Variants in JAKMIP3 observed in about 807,000 individuals in gnomAD.
JAKMIP3 encodes the protein Janus kinase and microtubule interacting protein 3, also known as janus kinase and microtubule-interacting protein 3.
Under a neutral mutation model 118.5 loss-of-function variants are expected in JAKMIP3, and 58 were observed. The ratio of observed to expected loss-of-function variants is 0.49; its 90% CI spans 0.40 to 0.61. The LOEUF (loss-of-function observed/expected upper bound fraction) is 0.61. JAKMIP3 is among the 20% of genes least tolerant of loss of function. The pLI, the probability that JAKMIP3 is intolerant of heterozygous loss-of-function variation, is 0.00. For synonymous variants in JAKMIP3, 486 were observed against 451.2 expected (o/e 1.08, Z -0.98); for missense variants, 950 against 1,109.0 (o/e 0.86, Z 2.04).
At chr10:132,138,539 GA>G (rs1483171381) in intron 9 of JAKMIP3, among the ~76,000 whole-genome samples, 3 of 152,218 alleles carry the variant, frequency 2.0e-5, no homozygotes, top group Non-Finnish European at 2.9e-5. Context: ...CTTTGGAGAT[GA>G]AAAAACAATT....
chr10:132,146,761 G>C (rs2054700033), intron 13 of JAKMIP3, among the ~76,000 whole-genome samples: 3 of 152,190 alleles, frequency 2.0e-5, no homozygotes, highest in Admixed American at 2.0e-4. Context: ...CTTTAGGCTT[G>C]GTTTGCATCT....
intron 23 of JAKMIP3, among the ~76,000 whole-genome samples, chr10:132,180,554 CATGCGTGT>C (rs1362040504): frequency 0.015 from 64 of 4,330 alleles, 11 homozygotes; most frequent in East Asian, 0.059. Flanking sequence ...TGCGTGCGTG[CATGCGTGT>C]GTGTGCGTGT....
intron 3 of JAKMIP3, among the ~76,000 whole-genome samples, chr10:132,127,705 TCTA>T (rs1225903656): frequency 6.6e-6 from 1 of 152,164 alleles, no homozygotes; most frequent in Non-Finnish European, 1.5e-5. Context: ...CTTGCCTCTC[TCTA>T]CTCCTTGCCT....
rs531685738 is a variant in JAKMIP3 at position 132,150,026 on chromosome 10, C to A, written c.1992C>A (p.Gly664=). ...TGATGAAGAAGCTGGACATCCTGGG[C>A]GATAACGCCGTAAGTGTATGTCGCT... The part of the protein sequence containing the change: ...AELMKKLDIL[G]DNAVSNLTNE... The change falls in exon 16 of 24, where the codon GGC becomes GGA. Residue 664 remains glycine (G), a synonymous_variant. Transcript: ENST00000684848. 6.3e-7 allele frequency: 1 copy of A among 1,593,406 alleles called. No homozygotes were observed. The highest frequency in any genetic ancestry group is 8.5e-7 in the Non-Finnish European group (1 of 1,172,606).
chr10:132,160,001 G>C (rs1369147043), intron 19 of JAKMIP3, among the ~76,000 whole-genome samples: 1 of 34,478 alleles, frequency 2.9e-5, no homozygotes, highest in African/African-American at 1.2e-4. Context: ...TGTCTTACTG[G>C]GGGGGGCCTC....
intron 9 of JAKMIP3, among the ~76,000 whole-genome samples, chr10:132,139,500 GTGTA>G (rs1329975210): frequency 7.6e-6 from 1 of 131,102 alleles, no homozygotes; most frequent in Non-Finnish European, 1.8e-5. Context: ...GTATGTGAGT[GTGTA>G]TGTGTGAGTG....
At position 132,139,266 on chromosome 10, in the gene JAKMIP3, GTGTGTACA is replaced by G. The variant is rs1277069349; in HGVS notation, c.1344+1093_1344+1100del. ...TGTGTGTGTATGTGTGTGTGTGTATGTGTGTACATGTGAGTGTATATGCATCTGTGTAT... is the reference window on the plus strand; with the variant it reads ...TGTGTGTGTATGTGTGTGTGTGTATGTGTGAGTGTATATGCATCTGTGTAT... On this transcript the variant is annotated intron_variant, in intron 9 of 23. Transcript: ENST00000684848. Among the ~76,000 whole-genome samples, 211 of 151,740 alleles carry G rather than the reference GTGTGTACA, an allele frequency of 1.4e-3. 5 individuals carry two copies. The highest frequency in any genetic ancestry group is 2.4e-3 in the Non-Finnish European group (164 of 67,942).
chr10:132,063,661 A>G (rs2038486865), upstream of JAKMIP3, among the ~76,000 whole-genome samples: 1 of 152,168 alleles, frequency 6.6e-6, no homozygotes, highest in African/African-American at 2.4e-5. Context: ...TCCGGGAGAG[A>G]ACGGACCGTC....
At chr10:132,043,771 G>C (rs2037829102) in intron 1 of JAKMIP3, among the ~76,000 whole-genome samples, 2 of 152,190 alleles carry the variant, frequency 1.3e-5, no homozygotes, top group African/African-American at 2.4e-5. Flanking sequence ...TGGACCATGT[G>C]GGGAGGAAGA....
intron 1 of JAKMIP3, among the ~76,000 whole-genome samples, chr10:132,071,374 C>T (rs538285102): frequency 2.2e-4 from 33 of 152,306 alleles, no homozygotes; most frequent in African/African-American, 7.9e-4. Context: ...CAAAATACTA[C>T]ATATTCTGCT....
At position 132,044,352 on chromosome 10, in the gene JAKMIP3, C is replaced by T. The variant is rs544892323; in HGVS notation, c.-138+7614C>T. Among the ~76,000 whole-genome samples the T allele has an allele frequency of 6.6e-6, 1 of 152,346 alleles. No homozygotes were observed. The highest frequency in any genetic ancestry group is 1.9e-4 in the East Asian group (1 of 5,188). Reference sequence around the variant, plus strand: ...CCAGTGGCTGAGACAGACACAACTTCAGCCGTCGTGCAAACAGGTCATCTT... The same window carrying T: ...CCAGTGGCTGAGACAGACACAACTTTAGCCGTCGTGCAAACAGGTCATCTT... On this transcript the variant is annotated intron_variant, in intron 1 of 23. Transcript: ENST00000657785. The surrounding 1 kb of genome is among the most constrained non-coding windows in gnomAD (Gnocchi z 5.3).
intron 1 of JAKMIP3, among the ~76,000 whole-genome samples, chr10:132,040,204 G>T (rs900463493): frequency 6.6e-6 from 1 of 152,192 alleles, no homozygotes; most frequent in African/African-American, 2.4e-5. Context: ...TACAAGAAGG[G>T]ACATGGGATC....
At chr10:132,097,928 C>CCTTCCCTT (rs2044182695) in intron 1 of JAKMIP3, among the ~76,000 whole-genome samples, 1 of 20,452 alleles carries the variant, frequency 4.9e-5, no homozygotes, top group Non-Finnish European at 1.1e-4. Context: ...CCCTTTCCTT[C>CCTTCCCTT]CCCTTCCCCT....
intron 1 of JAKMIP3, among the ~76,000 whole-genome samples, chr10:132,071,046 A>G (rs1303930321): frequency 2.6e-5 from 4 of 152,084 alleles, no homozygotes; most frequent in African/African-American, 9.7e-5. Context: ...TTCTCTTTAT[A>G]CCACTTTAGC....
intron 19 of JAKMIP3, among the ~76,000 whole-genome samples, chr10:132,157,456 C>T (rs907847475): frequency 5.3e-5 from 8 of 152,158 alleles, no homozygotes; most frequent in African/African-American, 1.2e-4. Context: ...CCATTTCTGA[C>T]GTCCCGACAC....
At chr10:132,037,796 AT>A (rs1456123986) in intron 1 of JAKMIP3, among the ~76,000 whole-genome samples, 2 of 152,202 alleles carry the variant, frequency 1.3e-5, no homozygotes, top group Non-Finnish European at 2.9e-5. Context: ...CCAAGCGCAT[AT>A]CTGGTTTGGG....
At chr10:132,060,365 G>A (rs1564854936), upstream of JAKMIP3, among the ~76,000 whole-genome samples, 1 of 152,338 alleles carries the variant, frequency 6.6e-6, no homozygotes, top group Non-Finnish European at 1.5e-5. Context: ...AGGCTCTGAA[G>A]AGACAGGGAG....
intron 1 of JAKMIP3, among the ~76,000 whole-genome samples, chr10:132,053,481 G>A (rs1209207953): frequency 1.3e-5 from 2 of 152,246 alleles, no homozygotes; most frequent in Non-Finnish European, 2.9e-5. Flanking sequence ...GGGTGCTGGT[G>A]AATGCCCTCA....
chr10:132,177,708 C>T (rs2060292296), intron 23 of JAKMIP3, among the ~76,000 whole-genome samples: 1 of 148,206 alleles, frequency 6.7e-6, no homozygotes, highest in South Asian at 2.1e-4. Flanking sequence ...TGTGCATCTG[C>T]TCTTGTGCCC....
Sources: allele counts gnomAD v4.1 joint callset (sites outside exome capture counted in the v4.1 genomes callset), GRCh38; gene constraint gnomAD v4.1.1; non-coding constraint Gnocchi (gnomAD v3.1); transcripts MANE v1.5; gene names NCBI Gene and HGNC (gene_info 2026-07-23, HGNC 2026-07-21).